HSF2BP: variants seen among roughly 807,000 people sequenced by gnomAD.
HSF2BP encodes heat shock transcription factor 2 binding protein, also known as heat shock factor 2-binding protein.
A neutral mutation model predicts 35.0 loss-of-function variants in HSF2BP; 35 were observed. The ratio of observed to expected loss-of-function variants is 1.00; its 90% CI spans 0.76 to 1.32. The LOEUF is 1.32. Among genes scored for constraint, HSF2BP ranks in the 40% most tolerant of loss-of-function variants. The pLI is 0.00. For synonymous variants in HSF2BP, 114 were observed against 117.4 expected (o/e 0.97, Z 0.18); for missense variants, 326 against 321.7 (o/e 1.01, Z -0.10).
chr21:43,467,868 CA>C, the HSF2BP span, among the ~76,000 whole-genome samples: 2 of 134,260 alleles, frequency 1.5e-5, no homozygotes, highest in African/African-American at 5.6e-5. Context: ...ACCACACACA[CA>C]CCAAACACAC....
intron 6 of HSF2BP, among the ~76,000 whole-genome samples, chr21:43,629,481 C>T (rs188840218): frequency 5.8e-4 from 88 of 152,344 alleles, no homozygotes; most frequent in African/African-American, 2.0e-3. Flanking sequence ...AGGAGAATCA[C>T]TTAAATACAG....
chr21:43,654,989 T>C (rs1243553962), intron 3 of HSF2BP, among the ~76,000 whole-genome samples: 1 of 152,222 alleles, frequency 6.6e-6, no homozygotes, highest in East Asian at 1.9e-4. Flanking sequence ...GCCGGGACTA[T>C]GAGATAAGAT....
rs374892793 is a variant in HSF2BP, at chr21:43,633,333, G to A, written c.380C>T (p.Ala127Val). The A allele has an allele frequency of 5.6e-6, 9 of 1,613,960 alleles. No individual in the cohort carries two copies. Among genetic ancestry groups the A allele is most frequent in the South Asian group, 4.4e-5 (4 of 91,052 alleles). Residue 127 changes from alanine (A) to valine (V), a missense_variant, in exon 5 of 9, where the codon GCG becomes GTG. Ala to Val is a moderately conservative substitution (Grantham distance 64, BLOSUM62 0). Coordinates refer to ENST00000291560, the MANE Select transcript of HSF2BP (RefSeq NM_007031.2). ...GGAGACACCCCACAAGAGGGTACAC[G>A]CTGCTGCTCCCATTTCTGTACAATA... is the stretch of plus-strand genomic sequence containing the variant. ...AEYCTEMGAA[A>V]CTLLWGVSSS...
intron 7 of HSF2BP, among the ~76,000 whole-genome samples, chr21:43,607,952 T>C (rs2082154812): frequency 6.6e-6 from 1 of 152,202 alleles, no homozygotes; most frequent in African/African-American, 2.4e-5. Flanking sequence ...TAACTCAAGA[T>C]GGATTAAGGA....
intron 8 of HSF2BP, among the ~76,000 whole-genome samples, chr21:43,582,073 G>A (rs1475975371): frequency 3.7e-4 from 43 of 117,144 alleles, no homozygotes; most frequent in African/African-American, 1.5e-3. Context: ...TGCTGTGGGA[G>A]ATGAGGGCCT....
At chr21:43,582,380 G>A (rs1471727381) in intron 8 of HSF2BP, among the ~76,000 whole-genome samples, 6 of 141,562 alleles carry the variant, frequency 4.2e-5, no homozygotes, top group South Asian at 2.3e-4. Context: ...GGGGATGAGG[G>A]CCTGGTGAGG....
At chr21:43,657,108 C>T (rs1283469656) in intron 2 of HSF2BP, among the ~76,000 whole-genome samples, 1 of 152,186 alleles carries the variant, frequency 6.6e-6, no homozygotes. Context: ...CAGTGGCTCA[C>T]GCCTGTAATC....
At chr21:43,655,644 C>A (rs528824426) in intron 3 of HSF2BP, among the ~76,000 whole-genome samples, 2 of 152,302 alleles carry the variant, frequency 1.3e-5, no homozygotes, top group South Asian at 4.1e-4. Flanking sequence ...CCCAGCAATG[C>A]CTTCCATTGG....
Position 43,597,853 on chromosome 21 carries a change from G to A in HSF2BP, c.693-5525C>T, listed in dbSNP as rs142213973. ...ATAAAGATGGAACTGGTCACATACT[G>A]GAGCCTAAGGCAAAAGGAAAAATCA... On this transcript the variant is annotated intron_variant, in intron 7 of 8. Coordinates refer to ENST00000291560, the MANE Select transcript of HSF2BP (RefSeq NM_007031.2). The surrounding 1 kb of genome is among the most constrained non-coding windows in gnomAD (Gnocchi z 4.3). Among the ~76,000 whole-genome samples, 1 of 152,308 alleles carries A rather than the reference G, an allele frequency of 6.6e-6. No individual in the cohort carries two copies. Among genetic ancestry groups the A allele is most frequent in the African/African-American group, 2.4e-5 (1 of 41,564 alleles).
chr21:43,657,436 TA>T (rs1484111155), intron 2 of HSF2BP, among the ~76,000 whole-genome samples: 1 of 152,130 alleles, frequency 6.6e-6, no homozygotes, highest in Non-Finnish European at 1.5e-5. Flanking sequence ...AGCACCAAAC[TA>T]ATCAGGAGGA....
intron 3 of HSF2BP, among the ~76,000 whole-genome samples, chr21:43,651,975 G>T (rs562542152): frequency 5.9e-5 from 9 of 152,304 alleles, no homozygotes; most frequent in African/African-American, 2.2e-4. Flanking sequence ...CAATCCTCTA[G>T]CTGGCTTACA....
intron 6 of HSF2BP, among the ~76,000 whole-genome samples, chr21:43,614,236 A>C (rs959404445): frequency 6.6e-5 from 10 of 151,826 alleles, no homozygotes; most frequent in African/African-American, 2.4e-4. Flanking sequence ...CGGTGTGTGC[A>C]CCTGTAGTCC....
chr21:43,578,501 C>A (rs1256424286), intron 8 of HSF2BP, among the ~76,000 whole-genome samples: 1 of 152,138 alleles, frequency 6.6e-6, no homozygotes, highest in Non-Finnish European at 1.5e-5. Flanking sequence ...GGGTGCAGAA[C>A]AAGCCATCCA....
intron 8 of HSF2BP, among the ~76,000 whole-genome samples, chr21:43,573,664 C>G (rs990574166): frequency 1.3e-5 from 2 of 152,186 alleles, no homozygotes; most frequent in Non-Finnish European, 2.9e-5. Flanking sequence ...TTCTCCCTCA[C>G]AGGGGACAGA....
At chr21:43,625,620 G>A (rs1447263737) in intron 6 of HSF2BP, among the ~76,000 whole-genome samples, 1 of 152,028 alleles carries the variant, frequency 6.6e-6, no homozygotes, top group Non-Finnish European at 1.5e-5. Flanking sequence ...TGTTTCAGAA[G>A]GAAAAGGATC....
intron 7 of HSF2BP, among the ~76,000 whole-genome samples, chr21:43,605,176 C>A (rs1485475171): frequency 6.7e-6 from 1 of 149,054 alleles, no homozygotes; most frequent in South Asian, 2.2e-4. Flanking sequence ...GCTGACTGCA[C>A]TAATTGCCCC....
At chr21:43,506,041 G>A in the HSF2BP span, among the ~76,000 whole-genome samples, 3 of 129,710 alleles carry the variant, frequency 2.3e-5, no homozygotes, top group Admixed American at 1.5e-4. Flanking sequence ...GCAGGTCCGC[G>A]GCTATTCGCT....
chr21:43,638,704 T>C (rs576294353), intron 4 of HSF2BP, among the ~76,000 whole-genome samples: 15 of 152,288 alleles, frequency 9.8e-5, no homozygotes, highest in African/African-American at 3.6e-4. Context: ...AATTGAAAGA[T>C]TCAACATAGT....
intron 7 of HSF2BP, among the ~76,000 whole-genome samples, chr21:43,608,952 G>A (rs971437632): frequency 1.3e-5 from 2 of 152,166 alleles, no homozygotes; most frequent in Non-Finnish European, 2.9e-5. Context: ...CAGTGTGAAT[G>A]GAACAGCCAG....
Sources: gnomAD v4.1 joint callset for allele counts (sites outside exome capture counted in the v4.1 genomes callset) on GRCh38, gnomAD v4.1.1 for gene constraint, Gnocchi (gnomAD v3.1) non-coding constraint, MANE v1.5 for transcripts, NCBI Gene and HGNC (gene_info 2026-07-23, HGNC 2026-07-21) for gene names.